Variants in ESRRG observed in about 807,000 individuals in gnomAD.
ESRRG encodes the protein estrogen-related receptor gamma.
Under a neutral mutation model 44.0 loss-of-function variants are expected in ESRRG, and 13 were observed. The observed-to-expected ratio is 0.30, with a 90% CI of 0.19 to 0.47. ESRRG has a LOEUF of 0.47. ESRRG is among the 20% of genes least tolerant of loss of function. The pLI, the probability that ESRRG is intolerant of heterozygous loss-of-function variation, is 1.00. For synonymous variants in ESRRG, 215 were observed against 214.6 expected (o/e 1.00, Z -0.02); for missense variants, 395 against 580.6 (o/e 0.68, Z 3.29).
intron 3 of ESRRG, among the ~76,000 whole-genome samples, chr1:216,607,155 T>C (rs2060039896): frequency 6.6e-6 from 1 of 152,194 alleles, no homozygotes; most frequent in Non-Finnish European, 1.5e-5. Flanking sequence ...TCTTGTCTAT[T>C]CCAATGACAT....
At chr1:216,569,536 T>C (rs1230678333) in intron 3 of ESRRG, among the ~76,000 whole-genome samples, 1 of 152,148 alleles carries the variant, frequency 6.6e-6, no homozygotes, top group African/African-American at 2.4e-5. Context: ...ATTTCATTAA[T>C]ATCAGGAAGT....
At chr1:216,780,308 A>G (rs952641991) in intron 2 of ESRRG, among the ~76,000 whole-genome samples, 1 of 152,022 alleles carries the variant, frequency 6.6e-6, no homozygotes, top group Non-Finnish European at 1.5e-5. Context: ...TTCAAAATTG[A>G]AAATGCTCCG....
At chr1:216,733,981 A>G (rs1307299262) in intron 2 of ESRRG, among the ~76,000 whole-genome samples, 1 of 124,434 alleles carries the variant, frequency 8.0e-6, no homozygotes, top group African/African-American at 3.0e-5. Context: ...ACAGAGCAAG[A>G]CTCTGTAAAA....
intron 3 of ESRRG, among the ~76,000 whole-genome samples, chr1:216,622,682 C>A (rs2062464563): frequency 6.6e-6 from 1 of 151,918 alleles, no homozygotes; most frequent in South Asian, 2.1e-4. Flanking sequence ...GTAGGGCATG[C>A]CTTTTATCAG....
Position 216,510,131 on chromosome 1 carries a change from G to A in ESRRG, c.1133-2948C>T, listed in dbSNP as rs17042666. Among the ~76,000 whole-genome samples, 1,066 of 152,234 alleles carry A rather than the reference G, an allele frequency of 7.0e-3. 10 individuals are homozygous for A. The highest frequency in any genetic ancestry group is 0.024 in the African/African-American group (1,005 of 41,524). On this transcript the variant is annotated intron_variant, in intron 6 of 6. Coordinates refer to ENST00000408911, the MANE Select transcript of ESRRG (RefSeq NM_001438.4). ...GACTAGGCTACATATTAAAAACAAT[G>A]GGCGAGCTCTTAAAAATCTTGGATA...
upstream of ESRRG, among the ~76,000 whole-genome samples, chr1:217,093,560 A>G (rs2092381162): frequency 6.6e-6 from 1 of 152,080 alleles, no homozygotes; most frequent in Non-Finnish European, 1.5e-5. Flanking sequence ...AGGCGGGAGG[A>G]TCGCTTCAAC....
intron 1 of ESRRG, among the ~76,000 whole-genome samples, chr1:217,133,299 T>C (rs746964594): frequency 6.6e-6 from 1 of 152,260 alleles, no homozygotes; most frequent in Non-Finnish European, 1.5e-5. Context: ...GAAAGCGGAA[T>C]GAATGATTTA....
At chr1:216,821,780 T>A (rs1307254463) in intron 2 of ESRRG, among the ~76,000 whole-genome samples, 2 of 150,456 alleles carry the variant, frequency 1.3e-5, no homozygotes, top group East Asian at 2.0e-4. Context: ...ATTTAAAAAA[T>A]TTTAAAAATG....
intron 2 of ESRRG, among the ~76,000 whole-genome samples, chr1:216,800,920 G>T (rs2094595243): frequency 6.6e-6 from 1 of 152,092 alleles, no homozygotes; most frequent in South Asian, 2.1e-4. Context: ...GGAATTATAA[G>T]AAACACTTCA....
chr1:216,946,725 TC>T (rs1298419675), intron 1 of ESRRG, among the ~76,000 whole-genome samples: 14 of 152,198 alleles, frequency 9.2e-5, no homozygotes, highest in South Asian at 4.2e-4. Flanking sequence ...TTTCTTTCTT[TC>T]TTTGTTTTTT....
chr1:217,012,695 A>G (rs2078803692), intron 1 of ESRRG, among the ~76,000 whole-genome samples: 1 of 152,114 alleles, frequency 6.6e-6, no homozygotes, highest in African/African-American at 2.4e-5. Flanking sequence ...AGTAGCTACA[A>G]TTTGGCCAGA....
intron 5 of ESRRG, among the ~76,000 whole-genome samples, chr1:216,529,859 C>T (rs2048759771): frequency 6.6e-6 from 1 of 151,922 alleles, no homozygotes. Context: ...TGCCTGTAAT[C>T]CCAGCACTTT....
chr1:216,537,158 T>G (rs1045052183), intron 5 of ESRRG, among the ~76,000 whole-genome samples: 8 of 152,018 alleles, frequency 5.3e-5, no homozygotes, highest in Admixed American at 2.6e-4. Flanking sequence ...AGGAGGCGAT[T>G]AGGTCATGAA....
At chr1:216,844,303 A>C (rs1239151340) in intron 2 of ESRRG, among the ~76,000 whole-genome samples, 1 of 152,150 alleles carries the variant, frequency 6.6e-6, no homozygotes, top group Non-Finnish European at 1.5e-5. Flanking sequence ...GTATATTTTA[A>C]ACTTCAAAAT....
intron 1 of ESRRG, among the ~76,000 whole-genome samples, chr1:217,069,486 C>T (rs2090278348): frequency 6.6e-6 from 1 of 151,166 alleles, no homozygotes; most frequent in African/African-American, 2.4e-5. Context: ...TCTAGAGAAC[C>T]CTAATACAAT....
intron 6 of ESRRG, among the ~76,000 whole-genome samples, chr1:216,513,058 G>A (rs1391890071): frequency 6.6e-6 from 1 of 152,128 alleles, no homozygotes; most frequent in Admixed American, 6.5e-5. Flanking sequence ...ACTGATCGAC[G>A]TTTGACATCC....
At chr1:216,845,182 AG>A (rs2095722557) in intron 2 of ESRRG, among the ~76,000 whole-genome samples, 1 of 152,142 alleles carries the variant, frequency 6.6e-6, no homozygotes. Context: ...TATTACTTAA[AG>A]TTAATGAGGG....
intron 4 of ESRRG, among the ~76,000 whole-genome samples, chr1:216,565,385 G>A (rs1367151452): frequency 6.6e-6 from 1 of 152,132 alleles, no homozygotes; most frequent in African/African-American, 2.4e-5. Context: ...ATATTTAAAT[G>A]TTCTATGTAC....
chr1:216,633,953 A>G (rs1027410976), intron 3 of ESRRG, among the ~76,000 whole-genome samples: 2 of 152,206 alleles, frequency 1.3e-5, no homozygotes, highest in African/African-American at 2.4e-5. Flanking sequence ...GGTAAAGATT[A>G]TGGTATTGGT....
Sources: allele counts gnomAD v4.1 joint callset (sites outside exome capture counted in the v4.1 genomes callset), GRCh38; gene constraint gnomAD v4.1.1; transcripts MANE v1.5; gene names NCBI Gene and HGNC (gene_info 2026-07-23, HGNC 2026-07-21).